The following UTP4 variants were observed in gnomAD, a reference collection of about 807,000 sequenced individuals.
The protein encoded by UTP4 is UTP4 small subunit processome component, also known as U3 small nucleolar RNA-associated protein 4 homolog.
UTP4 carries 45 observed loss-of-function variants against 82.4 expected under a neutral mutation model. The observed-to-expected ratio is 0.55, with a 90% CI of 0.43 to 0.70. UTP4 has a LOEUF of 0.70. UTP4 is among the 30% of genes least tolerant of loss of function. UTP4 has a pLI of 0.00. For synonymous variants in UTP4, 348 were observed against 300.3 expected (o/e 1.16, Z -1.64); for missense variants, 819 against 858.3 (o/e 0.95, Z 0.57).
At chr16:69,138,536 G>A (rs1962872809) in intron 4 of UTP4, among the ~76,000 whole-genome samples, 1 of 152,164 alleles carries the variant, frequency 6.6e-6, no homozygotes, top group South Asian at 2.1e-4. Context: ...ACTTGCCCTG[G>A]CCAAGGAACT....
At chr16:69,154,687 T>C (rs1963362251) in intron 10 of UTP4, among the ~76,000 whole-genome samples, 1 of 151,694 alleles carries the variant, frequency 6.6e-6, no homozygotes, top group African/African-American at 2.4e-5. Context: ...TTTGATATTA[T>C]TATGAAAATA....
intron 15 of UTP4, chr16:69,166,492 T>C (rs543344271): frequency 6.5e-6 from 1 of 153,288 alleles, no homozygotes; most frequent in African/African-American, 2.4e-5. Flanking sequence ...AGTTCATCGC[T>C]TCCTTACAGT....
At chr16:69,160,128 A>T (rs9934139) in intron 12 of UTP4, among the ~76,000 whole-genome samples, 22,507 of 152,224 alleles carry the variant, frequency 0.15, 1,775 homozygotes, top group Middle Eastern at 0.24. Context: ...GGAAGTAATA[A>T]CTTCTGTTTT....
chr16:69,165,972 G>A (rs1015993028), intron 15 of UTP4: 8 of 281,494 alleles, frequency 2.8e-5, no homozygotes, highest in Admixed American at 1.4e-4. Context: ...GTGCCCCTTC[G>A]CTAAAGCTAC....
intron 14 of UTP4, 75 bp downstream of exon 14, chr16:69,163,253 C>A: frequency 8.1e-7 from 1 of 1,239,824 alleles, no homozygotes; most frequent in Non-Finnish European, 1.2e-6. Flanking sequence ...TGGGCAGTTG[C>A]GGGGAGCTTT....
At chr16:69,165,209 G>C (rs1293358730) in intron 14 of UTP4, 132 bp from the exon 15 acceptor site, 1 of 725,612 alleles carries the variant, frequency 1.4e-6, no homozygotes, top group African/African-American at 1.8e-5. Context: ...AAAAAAAAAA[G>C]TGTTGGGAGA....
intron 2 of UTP4, among the ~76,000 whole-genome samples, chr16:69,136,463 C>T (rs1488463884): frequency 6.6e-6 from 1 of 152,210 alleles, no homozygotes; most frequent in Non-Finnish European, 1.5e-5. Context: ...CAAACCTTTT[C>T]TGCTGAAAAT....
rs186527867 is a variant in UTP4 at position 69,146,949 on chromosome 16, G to C, written c.738+3560G>C. Among the ~76,000 whole-genome samples, 388 of 147,936 alleles carry C rather than the reference G, an allele frequency of 2.6e-3. 4 individuals are homozygous for C. In the East Asian group the frequency reaches 0.029, roughly 11 times the overall value. On this transcript the variant is annotated intron_variant, in intron 6 of 16. Coordinates refer to ENST00000314423, the MANE Select transcript of UTP4 (RefSeq NM_032830.3). ...ACCAGAGAGGCGGAGCTTGCATTGA[G>C]TGCGATCGCGCCACTGCACTCCAGC...
At chr16:69,132,886 C>G (rs748575893) in intron 1 of UTP4, 197 bp downstream of exon 1, 30 of 202,114 alleles carry the variant, frequency 1.5e-4, no homozygotes, top group Non-Finnish European at 2.6e-4. Context: ...CGCCCCGGCC[C>G]GACCGAACGC....
intron 11 of UTP4, among the ~76,000 whole-genome samples, chr16:69,156,586 G>A (rs1201322523): frequency 2.0e-5 from 3 of 151,672 alleles, no homozygotes; most frequent in Non-Finnish European, 4.4e-5. Flanking sequence ...AGCCTCCCGA[G>A]TAGCTGGGAT....
In UTP4 at chr16:69,143,242, C is replaced by T. The variant is rs149282985; in HGVS notation, c.591C>T (p.Ile197=). ...QYMGVSKRKC[I]VWGVAFLSDG... is the part of the protein sequence containing the mutation. Reference sequence around the variant, plus strand: ...TGGGCGTGTCTAAGCGGAAGTGCATCGTGTGGGGTGTCGCCTTCTTGTCCG... The same window carrying T: ...TGGGCGTGTCTAAGCGGAAGTGCATTGTGTGGGGTGTCGCCTTCTTGTCCG... Residue 197 remains isoleucine (I), a synonymous_variant, in exon 6 of 17, where the codon ATC becomes ATT. Transcript: ENST00000314423. 122 of 1,614,212 alleles carry T rather than the reference C, an allele frequency of 7.6e-5. 1 individual carries two copies. In the East Asian group the frequency reaches 2.3e-3, roughly 30 times the overall value.
chr16:69,159,682 G>A (rs1254207757), intron 12 of UTP4, among the ~76,000 whole-genome samples: 1 of 150,006 alleles, frequency 6.7e-6, no homozygotes, highest in Non-Finnish European at 1.5e-5. Flanking sequence ...GTGAGACTCC[G>A]TCTAAAAAAA....
chr16:69,140,709 G>C (rs1316929109), intron 5 of UTP4, among the ~76,000 whole-genome samples: 1 of 151,860 alleles, frequency 6.6e-6, no homozygotes, highest in East Asian at 1.9e-4. Flanking sequence ...TTACAAAAAA[G>C]AGGGAGTCCT....
intron 2 of UTP4, among the ~76,000 whole-genome samples, chr16:69,135,099 G>C (rs948460619): frequency 1.3e-5 from 2 of 149,156 alleles, no homozygotes; most frequent in Admixed American, 1.3e-4. Flanking sequence ...TATAATTTGT[G>C]TGTTTGTTTA....
At chr16:69,160,070 T>C (rs756189244) in intron 12 of UTP4, among the ~76,000 whole-genome samples, 13 of 152,166 alleles carry the variant, frequency 8.5e-5, no homozygotes, top group Non-Finnish European at 1.8e-4. Flanking sequence ...TAGTGGCAGA[T>C]GCTGCCGTCA....
chr16:69,160,947 AT>A (rs1227128887), intron 13 of UTP4, among the ~76,000 whole-genome samples: 5 of 152,012 alleles, frequency 3.3e-5, no homozygotes, highest in Admixed American at 6.6e-5. Flanking sequence ...ATCCTGTTTT[AT>A]TTTTATGGAA....
intron 15 of UTP4, chr16:69,166,638 A>G (rs1388202850): frequency 5.9e-6 from 1 of 169,926 alleles, no homozygotes; most frequent in Non-Finnish European, 1.3e-5. Context: ...TCACTTGTCC[A>G]GTCTGTGATC....
At chr16:69,154,002 G>A (rs1286839625) in intron 9 of UTP4, among the ~76,000 whole-genome samples, 3 of 152,156 alleles carry the variant, frequency 2.0e-5, no homozygotes, top group African/African-American at 7.2e-5. Flanking sequence ...AAGATTTAAT[G>A]ATGGGTAATG....
At chr16:69,141,483 A>AT (rs540770304) in intron 5 of UTP4, among the ~76,000 whole-genome samples, 1 of 150,772 alleles carries the variant, frequency 6.6e-6, no homozygotes, top group Non-Finnish European at 1.5e-5. Context: ...GACCTGTTTT[A>AT]TTTTTTTTTC....
Sources: gnomAD v4.1 joint callset for allele counts (sites outside exome capture counted in the v4.1 genomes callset) on GRCh38, gnomAD v4.1.1 for gene constraint, MANE v1.5 for transcripts, NCBI Gene and HGNC (gene_info 2026-07-23, HGNC 2026-07-21) for gene names.